The following MTHFD1 variants were observed in gnomAD, a reference collection of about 807,000 sequenced individuals.
MTHFD1 encodes methylenetetrahydrofolate dehydrogenase, cyclohydrolase and formyltetrahydrofolate synthetase 1.
A neutral mutation model predicts 110.3 loss-of-function variants in MTHFD1; 44 were observed. That is an observed-to-expected ratio of 0.40 (90% CI 0.31 to 0.51). MTHFD1 has a LOEUF of 0.51. Among genes scored for constraint, MTHFD1 ranks in the 20% least tolerant of loss-of-function variants. The pLI is 0.60. For missense variants in MTHFD1, 909 were observed against 1,173.1 expected (o/e 0.77, Z 3.29); for synonymous variants, 402 against 428.8 (o/e 0.94, Z 0.77).
rs2078254305 is a variant in MTHFD1 at position 64,442,144 on chromosome 14, G to A, written c.1975G>A (p.Val659Ile). 1.2e-6 allele frequency: 2 copies of A among 1,614,074 alleles called. No homozygotes were observed. The highest frequency in any genetic ancestry group is 1.7e-6 in the Non-Finnish European group (2 of 1,180,040). The change falls in exon 20 of 28, where the codon GTT (valine) becomes ATT (isoleucine). Residue 659 changes from valine (V) to isoleucine (I), a missense_variant. Physicochemically the swap from Val to Ile is conservative, Grantham distance 29. Coordinates refer to ENST00000652337, the MANE Select transcript of MTHFD1 (RefSeq NM_005956.4). ...IIADRIALKLVGPEGFVVTEA... is the reference protein window; with the variant it reads ...IIADRIALKLIGPEGFVVTEA... The stretch of plus-strand genomic sequence containing the variant: ...TGCAGACCGGATCGCACTCAAGCTT[G>A]TTGGCCCAGAAGGGTTTGTAGGTTA...
intron 2 of MTHFD1, among the ~76,000 whole-genome samples, chr14:64,404,701 T>C (rs1376088728): frequency 2.0e-5 from 3 of 152,220 alleles, no homozygotes; most frequent in Non-Finnish European, 4.4e-5. Flanking sequence ...CATGGTGCGG[T>C]GGCTCATGCC....
rs773858029 is a variant in MTHFD1, at chr14:64,440,315, C to T, written c.1815+49C>T. The stretch of plus-strand genomic sequence containing the variant: ...TTGGCGACATATCTGTGTCTGTTGT[C>T]CTAGGGTCTTTCAGCAGTTATTAAT... On this transcript the variant is annotated intron_variant, in intron 18 of 27. Coordinates refer to ENST00000652337, the MANE Select transcript of MTHFD1 (RefSeq NM_005956.4). The T allele has an allele frequency of 3.1e-6, 5 of 1,611,222 alleles. No individual in the cohort carries two copies. In the South Asian group the frequency reaches 5.5e-5, roughly 18 times the overall value.
intron 16 of MTHFD1, among the ~76,000 whole-genome samples, chr14:64,437,075 A>G (rs2078211493): frequency 6.6e-6 from 1 of 151,208 alleles, no homozygotes; most frequent in Admixed American, 6.6e-5. Context: ...ATAATTTGGC[A>G]TATTATCAAG....
chr14:64,388,667 C>A (rs2077782456), intron 1 of MTHFD1, 199 bp downstream of exon 1: 1 of 641,004 alleles, frequency 1.6e-6, no homozygotes, highest in South Asian at 1.8e-5. Flanking sequence ...TGGCTGTAGC[C>A]GCTGGCTCCT....
At chr14:64,432,840 C>T (rs933087172) in intron 15 of MTHFD1, among the ~76,000 whole-genome samples, 1 of 152,166 alleles carries the variant, frequency 6.6e-6, no homozygotes, top group Non-Finnish European at 1.5e-5. Flanking sequence ...CTATAGCTTC[C>T]ACCTTCCAGG....
chr14:64,436,681 G>T (rs1230046843), intron 16 of MTHFD1, among the ~76,000 whole-genome samples: 2 of 152,142 alleles, frequency 1.3e-5, no homozygotes, highest in Non-Finnish European at 2.9e-5. Flanking sequence ...AATAACCGTT[G>T]CTAGCTAATG....
Position 64,454,879 on chromosome 14 carries a change from A to G in MTHFD1, c.2718+4A>G. On this transcript the variant is annotated splice_donor_region_variant and intron_variant, in intron 26 of 27. Coordinates refer to ENST00000652337, the MANE Select transcript of MTHFD1 (RefSeq NM_005956.4). ...TCTGTACCCCTTAGTAGGAACGGTA[A>G]GTGCATGCTGCAAGGGAGTAGTGGG... The G allele has an allele frequency of 1.9e-6, 3 of 1,614,182 alleles. No homozygotes were observed. The highest frequency in any genetic ancestry group is 1.3e-5 in the African/African-American group (1 of 75,062).
At position 64,430,217 on chromosome 14, in the gene MTHFD1, T is replaced by C. The variant is rs774965402; in HGVS notation, c.1298T>C (p.Ile433Thr). The C allele has an allele frequency of 6.2e-7, 1 of 1,613,668 alleles. No homozygotes were observed. The highest frequency in any genetic ancestry group is 8.5e-7 in the Non-Finnish European group (1 of 1,179,992). The change falls in exon 13 of 28, where the codon ATT (isoleucine) becomes ACT (threonine). Residue 433 changes from isoleucine (I) to threonine (T), a missense_variant. Ile to Thr is a moderately conservative substitution (Grantham distance 89). Coordinates refer to ENST00000652337, the MANE Select transcript of MTHFD1 (RefSeq NM_005956.4). ...GCAGGAGGCGGCTACTCCCAGGTCATTCCTATGGAAGAGGTAAAGTATTCT... is the reference window on the plus strand; with the variant it reads ...GCAGGAGGCGGCTACTCCCAGGTCACTCCTATGGAAGAGGTAAAGTATTCT... ...GAAGGGYSQV[I>T]PMEEFNLHLT...
rs758410301 is a variant in MTHFD1, at chr14:64,424,815, C to A, written c.739C>A (p.Pro247Thr). 1.9e-6 allele frequency: 3 copies of A among 1,614,056 alleles called. No individual in the cohort carries two copies. The South Asian group carries it at 3.3e-5, about 18-fold the overall frequency. Reference protein sequence around the residue: ...GINYVPDDKKPNGRKVVGDVA... With the variant: ...GINYVPDDKKTNGRKVVGDVA... ...CCCCACTTGACCAGATGATAAAAAA[C>A]CAAATGGGAGAAAAGTTGTGGGTGA... Residue 247 changes from proline to threonine, a missense_variant, in exon 9 of 28, where the codon CCA becomes ACA. Coordinates refer to ENST00000652337, the MANE Select transcript of MTHFD1 (RefSeq NM_005956.4).
intron 1 of MTHFD1, among the ~76,000 whole-genome samples, chr14:64,393,456 G>A (rs529031863): frequency 2.6e-5 from 4 of 152,126 alleles, no homozygotes; most frequent in Non-Finnish European, 5.9e-5. Flanking sequence ...CAAAGTGCAG[G>A]TTGCTCAAAA....
At chr14:64,416,231 C>A (rs932166008) in intron 6 of MTHFD1, among the ~76,000 whole-genome samples, 4 of 151,718 alleles carry the variant, frequency 2.6e-5, no homozygotes, top group Non-Finnish European at 5.9e-5. Context: ...GGCAACAGAG[C>A]GAGACTCTGT....
At chr14:64,410,077 G>C (rs1470349777) in intron 2 of MTHFD1, among the ~76,000 whole-genome samples, 3 of 152,014 alleles carry the variant, frequency 2.0e-5, no homozygotes, top group African/African-American at 7.2e-5. Context: ...AACAATATTA[G>C]TACAATAAAA....
At chr14:64,454,302 G>T (rs1314940615) in intron 25 of MTHFD1, among the ~76,000 whole-genome samples, 1 of 151,926 alleles carries the variant, frequency 6.6e-6, no homozygotes, top group African/African-American at 2.4e-5. Flanking sequence ...TTGTTGAGAT[G>T]GGGTTTTGCC....
At position 64,431,805 on chromosome 14, in the gene MTHFD1, G is replaced by A. The variant is rs981842739; in HGVS notation, c.1438G>A (p.Val480Met). The A allele has an allele frequency of 1.8e-5, 29 of 1,614,036 alleles. No homozygotes were observed. Among genetic ancestry groups the A allele is most frequent in the Non-Finnish European group, 2.4e-5 (28 of 1,180,032 alleles). The change falls in exon 15 of 28, where the codon GTG becomes ATG. Residue 480 changes from valine to methionine, a missense_variant. Val to Met is a conservative substitution (Grantham distance 21). This residue lies in a region of MTHFD1 where 482 missense variants were observed against 646.0 expected (regional missense o/e 0.75). Transcript: ENST00000652337. ...QTDKALFNRLVPSVNGVRRFS... is the reference protein window; with the variant it reads ...QTDKALFNRLMPSVNGVRRFS... ...CTTTAAGGCTCTCTTTAATCGTTTG[G>A]TGCCATCAGTAAATGGAGTGAGAAG...
In MTHFD1 at chr14:64,448,450, G is replaced by A. The variant is rs955847686; in HGVS notation, c.2279+133G>A. The A allele has an allele frequency of 2.6e-5, 20 of 767,912 alleles. 1 individual carries two copies. In the East Asian group the frequency reaches 5.4e-4, roughly 21 times the overall value. The allele number at this position is 767,912 out of a possible 1,614,324, so 47.6% of individuals were successfully genotyped here. A position where few individuals can be genotyped will look rare whatever the true frequency, so the allele number is the denominator to read the frequency against. On this transcript the variant is annotated intron_variant, in intron 23 of 27. Transcript: ENST00000652337. The stretch of plus-strand genomic sequence containing the variant: ...ATAGCCTGTGGTTTTAGCCTGCACT[G>A]TGACAGGCATTGCATACGTCACTGC...
At chr14:64,446,203 G>A (rs1282048911) in intron 22 of MTHFD1, among the ~76,000 whole-genome samples, 1 of 151,950 alleles carries the variant, frequency 6.6e-6, no homozygotes, top group Non-Finnish European at 1.5e-5. Context: ...TTAACAGTTC[G>A]GTGCATATTT....
chr14:64,426,895 T>C (rs1418957377), intron 11 of MTHFD1, among the ~76,000 whole-genome samples: 1 of 152,238 alleles, frequency 6.6e-6, no homozygotes, highest in East Asian at 1.9e-4. Context: ...ATTAAAATTA[T>C]AGCCGTGTCT....
intron 1 of MTHFD1, among the ~76,000 whole-genome samples, chr14:64,389,456 C>T (rs1352579638): frequency 1.3e-5 from 2 of 152,136 alleles, no homozygotes; most frequent in East Asian, 3.8e-4. Context: ...GCCTGTAATC[C>T]CAGCACTTTG....
chr14:64,439,964 T>C lies in MTHFD1; in HGVS notation c.1675-162T>C, dbSNP rs542834237. Among the ~76,000 whole-genome samples the C allele has an allele frequency of 3.2e-3, 483 of 151,578 alleles. 4 individuals are homozygous for C. Among genetic ancestry groups the C allele is most frequent in the Non-Finnish European group, 4.6e-3 (315 of 67,886 alleles). ...ATAATTAATTAATATATTTTTTTGC[T>C]ATTAGAGGATTATTTTCATTAAGTA... On this transcript the variant is annotated intron_variant, in intron 17 of 27. Transcript: ENST00000652337.
Sources: allele counts gnomAD v4.1 joint callset (sites outside exome capture counted in the v4.1 genomes callset), GRCh38; gene constraint gnomAD v4.1.1; regional missense constraint gnomAD v4.1.1; transcripts MANE v1.5; gene names NCBI Gene and HGNC (gene_info 2026-07-23, HGNC 2026-07-21).